Variants in L3MBTL4 observed in about 807,000 individuals in gnomAD.
L3MBTL4 encodes L3MBTL histone methyl-lysine binding protein 4, also known as lethal(3)malignant brain tumor-like protein 4.
In L3MBTL4, 70 loss-of-function variants were observed where a neutral mutation model predicts 84.5. The observed-to-expected ratio is 0.83, with a 90% confidence interval of 0.68 to 1.01. L3MBTL4 has a LOEUF of 1.01. Ranked by LOEUF, L3MBTL4 falls within the 50% of genes least tolerant of loss-of-function variation. The pLI is 0.00. For synonymous variants in L3MBTL4, 274 were observed against 259.8 expected (o/e 1.05, Z -0.52); for missense variants, 715 against 754.8 (o/e 0.95, Z 0.62).
In L3MBTL4 at chr18:6,243,317, T is replaced by G. The variant is rs1324752411; in HGVS notation, c.437A>C (p.Lys146Thr). Reference protein sequence around the residue: ...IHPVGWCEKTKHELHIPKGYR... With the variant: ...IHPVGWCEKTTHELHIPKGYR... ...ACCCTTAGGGATGTGCAGTTCATGT[T>G]TGGTCTTTTCACACCATCCTACTGG... Residue 146 changes from lysine to threonine, a missense_variant, in exon 7 of 19, where the codon AAA becomes ACA. Physicochemically the swap from Lys to Thr is moderately conservative, Grantham distance 78. Transcript: ENST00000317931. The G allele has an allele frequency of 2.5e-6, 4 of 1,598,332 alleles. No individual in the cohort carries two copies. The highest frequency in any genetic ancestry group is 3.5e-5 in the Admixed American group (2 of 57,394).
intron 13 of L3MBTL4, among the ~76,000 whole-genome samples, chr18:6,169,387 T>C (rs571430138): frequency 6.6e-6 from 1 of 152,298 alleles, no homozygotes; most frequent in East Asian, 1.9e-4. Flanking sequence ...CATGTATGTT[T>C]ATTGCGGCAC....
chr18:6,311,611 GT>G lies in L3MBTL4; in HGVS notation c.14del (p.Asn5ThrfsTer36). The part of the protein sequence containing the change: MKQP[N>X]RKRKLNMDSK... ...AATCCATATTAAGCTTCCTTTTCCTGTTGGGCTGTTTCATTGCCACCCCCGC... is the reference window on the plus strand; with the variant it reads ...AATCCATATTAAGCTTCCTTTTCCTGTGGGCTGTTTCATTGCCACCCCCGC... On this transcript the variant is annotated frameshift_variant, in exon 3 of 19. Coordinates refer to ENST00000317931, the MANE Select transcript of L3MBTL4 (RefSeq NM_001330559.2). LOFTEE classifies it high-confidence loss of function. 2.5e-6 allele frequency: 4 copies of G among 1,613,712 alleles called. No individual in the cohort carries two copies. Among genetic ancestry groups the G allele is most frequent in the Non-Finnish European group, 3.4e-6 (4 of 1,179,806 alleles).
At chr18:6,352,261 T>C (rs2053235401) in intron 1 of L3MBTL4, among the ~76,000 whole-genome samples, 1 of 152,202 alleles carries the variant, frequency 6.6e-6, no homozygotes, top group Admixed American at 6.5e-5. Flanking sequence ...CTCAAAGTAA[T>C]TACCTCCTCT....
chr18:6,220,745 A>G (rs1599208302), intron 10 of L3MBTL4, among the ~76,000 whole-genome samples: 3 of 152,230 alleles, frequency 2.0e-5, no homozygotes. Context: ...TTGAATGAAT[A>G]AAATATATTT....
intron 4 of L3MBTL4, among the ~76,000 whole-genome samples, chr18:6,264,546 G>A (rs949059833): frequency 6.6e-6 from 1 of 152,154 alleles, no homozygotes; most frequent in African/African-American, 2.4e-5. Context: ...CACTTCGGGA[G>A]GCCAAGGCAG....
At chr18:6,092,109 G>T (rs991888646) in intron 15 of L3MBTL4, among the ~76,000 whole-genome samples, 3 of 152,172 alleles carry the variant, frequency 2.0e-5, no homozygotes, top group Admixed American at 6.5e-5. Flanking sequence ...TAAAAATAGA[G>T]AAGCATGTGT....
At chr18:6,340,937 T>C (rs1237682719) in intron 1 of L3MBTL4, among the ~76,000 whole-genome samples, 1 of 151,980 alleles carries the variant, frequency 6.6e-6, no homozygotes, top group African/African-American at 2.4e-5. Context: ...CTAGGGAAAA[T>C]AAATAGGAGG....
chr18:6,372,698 A>G (rs1481041244), intron 1 of L3MBTL4, among the ~76,000 whole-genome samples: 1 of 152,162 alleles, frequency 6.6e-6, no homozygotes, highest in Non-Finnish European at 1.5e-5. Flanking sequence ...TCACCTGTAC[A>G]TTAAATTATA....
At chr18:5,969,909 C>G (rs2052555982) in intron 16 of L3MBTL4, among the ~76,000 whole-genome samples, 1 of 152,186 alleles carries the variant, frequency 6.6e-6, no homozygotes, top group South Asian at 2.1e-4. Flanking sequence ...AATCAAGGAA[C>G]CGTGCAGAAT....
chr18:6,196,807 G>T (rs2045418937), intron 12 of L3MBTL4, among the ~76,000 whole-genome samples: 1 of 152,196 alleles, frequency 6.6e-6, no homozygotes, highest in African/African-American at 2.4e-5. Flanking sequence ...CAACCATGTT[G>T]TTTGAGACCC....
intron 16 of L3MBTL4, among the ~76,000 whole-genome samples, chr18:6,068,097 T>C (rs192751945): frequency 2.1e-3 from 317 of 152,258 alleles, no homozygotes; most frequent in African/African-American, 7.0e-3. Flanking sequence ...TTTTGTGCGC[T>C]GGCTTTCCCA....
intron 12 of L3MBTL4, among the ~76,000 whole-genome samples, chr18:6,185,394 G>A (rs1412926340): frequency 4.6e-5 from 7 of 152,130 alleles, no homozygotes; most frequent in Non-Finnish European, 2.9e-5. Flanking sequence ...CTTTGGTTTT[G>A]GCCAATGAGA....
At chr18:6,178,618 G>A (rs2044328540) in intron 12 of L3MBTL4, among the ~76,000 whole-genome samples, 1 of 152,238 alleles carries the variant, frequency 6.6e-6, no homozygotes, top group South Asian at 2.1e-4. Flanking sequence ...TGATAAACTA[G>A]AAAACAAAGG....
At chr18:5,970,458 G>A (rs980010307) in intron 16 of L3MBTL4, among the ~76,000 whole-genome samples, 1 of 152,170 alleles carries the variant, frequency 6.6e-6, no homozygotes. Context: ...AACATTTAAG[G>A]AAAAGGTCTC....
At chr18:6,395,660 C>G (rs926303096) in intron 1 of L3MBTL4, 1 of 152,106 alleles carries the variant, frequency 6.6e-6, no homozygotes, top group Admixed American at 6.5e-5. Flanking sequence ...GTTGAGGTAA[C>G]TTTCACTTTG....
chr18:5,968,865 G>T (rs1043227745), intron 17 of L3MBTL4, among the ~76,000 whole-genome samples: 3 of 152,084 alleles, frequency 2.0e-5, no homozygotes, highest in African/African-American at 7.2e-5. Context: ...AGCGAAGGTG[G>T]GCCTGCTCAT....
At chr18:6,312,483 C>G (rs1182916535) in intron 1 of L3MBTL4, among the ~76,000 whole-genome samples, 1 of 152,100 alleles carries the variant, frequency 6.6e-6, no homozygotes, top group Non-Finnish European at 1.5e-5. Context: ...TGATAACTGG[C>G]CACCCATTTG....
intron 1 of L3MBTL4, among the ~76,000 whole-genome samples, chr18:6,394,246 T>A (rs143945613): frequency 6.6e-6 from 1 of 152,100 alleles, no homozygotes; most frequent in Admixed American, 6.6e-5. Context: ...GTTGGGCAGA[T>A]CACCTGAGGT....
chr18:6,402,640 T>C lies in L3MBTL4; in HGVS notation c.-91+12161A>G, dbSNP rs974968348. Among the ~76,000 whole-genome samples the C allele has an allele frequency of 5.3e-5, 8 of 152,262 alleles. 1 individual carries two copies. In the South Asian group the frequency reaches 6.2e-4, roughly 12 times the overall value. On this transcript the variant is annotated intron_variant, in intron 1 of 18. Transcript: ENST00000317931. ...GAACATAAAGTACACAAATCAGAAA[T>C]TTAATCACTAGTGATTAAATTGACT...
Sources: allele counts gnomAD v4.1 joint callset (sites outside exome capture counted in the v4.1 genomes callset), GRCh38; gene constraint gnomAD v4.1.1; transcripts MANE v1.5; gene names NCBI Gene and HGNC (gene_info 2026-07-23, HGNC 2026-07-21).